Variants in DCBLD2 observed in about 807,000 individuals in gnomAD.
DCBLD2 encodes discoidin, CUB and LCCL domain containing 2, also known as discoidin, CUB and LCCL domain-containing protein 2.
Under a neutral mutation model 86.8 loss-of-function variants are expected in DCBLD2, and 54 were observed. That is an observed-to-expected ratio of 0.62 (90% CI 0.50 to 0.78). The LOEUF (loss-of-function observed/expected upper bound fraction) is 0.78, where lower values mean the gene tolerates loss of function less well. DCBLD2 is among the 30% of genes least tolerant of loss of function. The pLI is 0.00. For synonymous variants in DCBLD2, 354 were observed against 341.3 expected (o/e 1.04, Z -0.41); for missense variants, 908 against 954.2 (o/e 0.95, Z 0.64).
At chr3:98,835,584 T>C (rs1489037116) in intron 3 of DCBLD2, among the ~76,000 whole-genome samples, 1 of 151,560 alleles carries the variant, frequency 6.6e-6, no homozygotes, top group Non-Finnish European at 1.5e-5. Context: ...AGTTTCTTTT[T>C]TGTTGCCCAG....
At chr3:98,804,985 T>C (rs1464764742) in intron 13 of DCBLD2, 2 of 152,056 alleles carry the variant, frequency 1.3e-5, no homozygotes, top group African/African-American at 4.8e-5. Context: ...ATTAAAAATA[T>C]GGAACGCTTC....
chr3:98,835,938 C>CTTTCTTAT, intron 3 of DCBLD2, among the ~76,000 whole-genome samples: 1 of 115,074 alleles, frequency 8.7e-6, no homozygotes, highest in South Asian at 3.0e-4. Flanking sequence ...TCCTTTCTTT[C>CTTTCTTAT]TTTTTTTTTT....
chr3:98,850,186 G>A (rs35854439), intron 2 of DCBLD2, among the ~76,000 whole-genome samples: 4,569 of 152,228 alleles, frequency 0.03, 102 homozygotes, highest in Non-Finnish European at 0.048. Context: ...ATAAAACTGT[G>A]TGCCTAAATT....
intron 1 of DCBLD2, among the ~76,000 whole-genome samples, chr3:98,894,027 T>G (rs1943708569): frequency 1.3e-5 from 2 of 152,122 alleles, no homozygotes; most frequent in Non-Finnish European, 2.9e-5. Flanking sequence ...AAGCAGAGAA[T>G]GGGGATTATC....
At chr3:98,814,549 T>C (rs1458132338) in intron 9 of DCBLD2, 1 of 152,194 alleles carries the variant, frequency 6.6e-6, no homozygotes, top group Non-Finnish European at 1.5e-5. Flanking sequence ...TTTTATTGAT[T>C]ACCACACATA....
chr3:98,871,940 T>A (rs543351361), intron 2 of DCBLD2, among the ~76,000 whole-genome samples: 1 of 152,206 alleles, frequency 6.6e-6, no homozygotes, highest in East Asian at 1.9e-4. Context: ...CATTGGGAGA[T>A]TTTTTATTAC....
intron 1 of DCBLD2, among the ~76,000 whole-genome samples, chr3:98,888,610 T>C (rs533446180): frequency 1.2e-4 from 19 of 152,144 alleles, no homozygotes; most frequent in South Asian, 1.2e-3. Context: ...CAATAAATAT[T>C]TGTGAGTACT....
At chr3:98,885,695 G>A (rs1323276262) in intron 1 of DCBLD2, among the ~76,000 whole-genome samples, 1 of 151,642 alleles carries the variant, frequency 6.6e-6, no homozygotes, top group Non-Finnish European at 1.5e-5. Context: ...CTTAAAATAC[G>A]ACAAAATATT....
In DCBLD2 at chr3:98,819,229, C is replaced by A. The variant is rs773867147; in HGVS notation, c.1060G>T (p.Asp354Tyr). 2 of 1,590,042 alleles carry A rather than the reference C, an allele frequency of 1.3e-6. No homozygotes were observed. Among genetic ancestry groups the A allele is most frequent in the Non-Finnish European group, 1.7e-6 (2 of 1,167,168 alleles). The change falls in exon 8 of 16, where the codon GAT becomes TAT. Residue 354 changes from aspartate to tyrosine, a missense_variant. Physicochemically the swap from Asp to Tyr is radical, Grantham distance 160. Transcript: ENST00000326840. ...GTTATTTTCTTTTCCTTATTCAAAT[C>A]TATTTGTAACCACTGGTATTCATCA... is the stretch of plus-strand genomic sequence containing the variant. ...ATDEYQWLQI[D>Y]LNKEKKITGI... is the part of the protein sequence containing the mutation.
rs1387191480 is a variant in DCBLD2 at position 98,797,400 on chromosome 3, T to A, written c.*1972A>T. The A allele has an allele frequency of 6.6e-6, 1 of 152,406 alleles. No homozygotes were observed. Among genetic ancestry groups the A allele is most frequent in the East Asian group, 1.9e-4 (1 of 5,180 alleles). The allele number at this position is 152,406 out of a possible 1,614,324, so 9.4% of individuals were successfully genotyped here. ...GAAAATGAAATAGTTACCAAAAACA[T>A]CTCTCTTAAAGCTTCAAACAGGTAT... On this transcript the variant is annotated 3_prime_UTR_variant, in exon 16 of 16. Transcript: ENST00000326840.
chr3:98,822,522 A>C, intron 5 of DCBLD2, 147 bp downstream of exon 5: 1 of 1,249,192 alleles, frequency 8.0e-7, no homozygotes, highest in Non-Finnish European at 1.1e-6. Flanking sequence ...GTTTTAGCAG[A>C]AGAAAAAGAA....
In DCBLD2 at chr3:98,799,387, A is replaced by T; in HGVS notation, c.2313T>A (p.Phe771Leu). 6.2e-7 allele frequency: 1 copy of T among 1,606,688 alleles called. No homozygotes were observed. Among genetic ancestry groups the T allele is most frequent in the Non-Finnish European group, 8.5e-7 (1 of 1,175,254 alleles). ...AGCATCATCTTCAAAGGATTTCTTTAAAAACATCACATTCCCCATCCCTTC... is the reference window on the plus strand; with the variant it reads ...AGCATCATCTTCAAAGGATTTCTTTTAAAACATCACATTCCCCATCCCTTC... ...GAGRDGECDV[F>L]KEIL The change falls in exon 16 of 16, where the codon TTT becomes TTA. Residue 771 changes from phenylalanine to leucine, a missense_variant. Physicochemically the swap from Phe to Leu is conservative, Grantham distance 22. Around this residue, in one of 3 missense-constraint regions of DCBLD2, gnomAD observed 606 missense variants for 678.5 expected, o/e 0.89. Coordinates refer to ENST00000326840, the MANE Select transcript of DCBLD2 (RefSeq NM_080927.4).
At chr3:98,819,438 A>C (rs749050854) in intron 7 of DCBLD2, 21 bp from the exon 8 acceptor site, 2 of 1,613,070 alleles carry the variant, frequency 1.2e-6, no homozygotes, top group African/African-American at 1.3e-5. Context: ...GAAAAGACTA[A>C]ATTTGGTTTC....
intron 1 of DCBLD2, among the ~76,000 whole-genome samples, chr3:98,894,141 C>T (rs1943710856): frequency 6.6e-6 from 1 of 152,144 alleles, no homozygotes; most frequent in Non-Finnish European, 1.5e-5. Context: ...AACCTAGTGA[C>T]AGACAAATGA....
intron 13 of DCBLD2, among the ~76,000 whole-genome samples, chr3:98,802,272 A>C (rs75801432): frequency 6.6e-6 from 1 of 152,062 alleles, no homozygotes; most frequent in Non-Finnish European, 1.5e-5. Context: ...ATGGTATCTC[A>C]TTGTGGTTTT....
intron 3 of DCBLD2, among the ~76,000 whole-genome samples, chr3:98,832,444 T>C (rs1453140687): frequency 6.6e-6 from 1 of 152,202 alleles, no homozygotes; most frequent in East Asian, 1.9e-4. Context: ...CATTCAAGGG[T>C]AGTATTGATA....
At position 98,901,407 on chromosome 3, in the gene DCBLD2, G is replaced by GACGGCGGCA; in HGVS notation, c.-90_-82dup. The stretch of plus-strand genomic sequence containing the variant: ...CTCTGGCCGCGGCACCCGACCAGGA[G>GACGGCGGCA]ACGGCGGCAGCGGCGGGAGAACAAG... On this transcript the variant is annotated 5_prime_UTR_variant, in exon 1 of 16. Coordinates refer to ENST00000326840, the MANE Select transcript of DCBLD2 (RefSeq NM_080927.4). 1 of 1,240,758 alleles carries GACGGCGGCA rather than the reference G, an allele frequency of 8.1e-7. No homozygotes were observed. The highest frequency in any genetic ancestry group is 3.3e-5 in the East Asian group (1 of 30,094). 76.9% of individuals were successfully genotyped at this position (1,240,758 alleles called of 1,614,324 possible).
intron 1 of DCBLD2, among the ~76,000 whole-genome samples, chr3:98,882,419 C>T (rs561112132): frequency 2.8e-4 from 41 of 148,966 alleles, no homozygotes; most frequent in Non-Finnish European, 5.1e-4. Context: ...AATGGAAGCT[C>T]TTTTTTTTTT....
chr3:98,875,269 C>T (rs1016080974), intron 2 of DCBLD2, among the ~76,000 whole-genome samples: 2 of 152,032 alleles, frequency 1.3e-5, no homozygotes, highest in African/African-American at 4.8e-5. Context: ...ATTAGGAACC[C>T]GTTACAGGAT....
Sources: allele counts gnomAD v4.1 joint callset (sites outside exome capture counted in the v4.1 genomes callset), GRCh38; gene constraint gnomAD v4.1.1; regional missense constraint gnomAD v4.1.1; transcripts MANE v1.5; gene names NCBI Gene and HGNC (gene_info 2026-07-23, HGNC 2026-07-21).